Variants in TM6SF2 observed in about 807,000 individuals in gnomAD.
The protein encoded by TM6SF2 is transmembrane 6 superfamily member 2.
In TM6SF2, 29 loss-of-function variants were observed where a neutral mutation model predicts 41.0. The observed-to-expected ratio is 0.71, with a 90% CI of 0.53 to 0.96. The LOEUF (loss-of-function observed/expected upper bound fraction) is 0.96. Ranked by LOEUF, TM6SF2 falls within the 50% of genes least tolerant of loss-of-function variation. The probability of loss-of-function intolerance (pLI) is 0.00; values close to 1 mark genes in which losing one functional copy is unlikely to be tolerated. For missense variants in TM6SF2, 475 were observed against 499.0 expected (o/e 0.95, Z 0.46); for synonymous variants, 200 against 209.1 (o/e 0.96, Z 0.37).
chr19:19,272,728 T>TGTGTGTGA (rs1555786937), intron 1 of TM6SF2, among the ~76,000 whole-genome samples: 3,520 of 149,806 alleles, frequency 0.023, 113 homozygotes, highest in South Asian at 0.11. Flanking sequence ...TGTGTGTGTG[T>TGTGTGTGA]GAGCAGGAGT....
Position 19,266,523 on chromosome 19 carries a change from G to C in TM6SF2, c.891C>G (p.Asp297Glu). 6.2e-7 allele frequency: 1 copy of C among 1,613,992 alleles called. No homozygotes were observed. Among genetic ancestry groups the C allele is most frequent in the Non-Finnish European group, 8.5e-7 (1 of 1,179,958 alleles). Residue 297 changes from aspartate (D) to glutamate (E), a missense_variant, in exon 9 of 10, where the codon GAC (aspartate) becomes GAG (glutamate). Asp to Glu is a conservative substitution (Grantham distance 45, BLOSUM62 2). Transcript: ENST00000389363. ...TGCCTCCAGCAAACACCAAGGCCCA[G>C]TCTGGAAGCCAGGAGCAACCAGGGA... ...LTFPGCSWLP[D>E]WALVFAGGIG...
At chr19:19,272,523 G>T in intron 1 of TM6SF2, among the ~76,000 whole-genome samples, 1 of 152,164 alleles carries the variant, frequency 6.6e-6, no homozygotes, top group East Asian at 1.9e-4. Context: ...AGAAGTACGA[G>T]GGGCTTGCAG....
In TM6SF2 at chr19:19,273,204, C is replaced by A; in HGVS notation, c.12G>T (p.Pro4=). Residue 4 remains proline (P), a synonymous_variant, in exon 1 of 10, where the codon CCG becomes CCT. Transcript: ENST00000389363. ...GCGCCGCGATCTTGCCGGCCAGCGGCGGGATGTCCATAGCGGCGGCTGCTG... is the reference window on the plus strand; with the variant it reads ...GCGCCGCGATCTTGCCGGCCAGCGGAGGGATGTCCATAGCGGCGGCTGCTG... MDI[P]PLAGKIAALS... 2 of 1,444,926 alleles carry A rather than the reference C, an allele frequency of 1.4e-6. No homozygotes were observed. Among genetic ancestry groups the A allele is most frequent in the Non-Finnish European group, 1.8e-6 (2 of 1,101,594 alleles). The allele number at this position is 1,444,926 out of a possible 1,614,324, so 89.5% of individuals were successfully genotyped here.
At position 19,270,232 on chromosome 19, in the gene TM6SF2, G is replaced by A. The variant is rs558322932; in HGVS notation, c.342C>T (p.Tyr114=). The stretch of plus-strand genomic sequence containing the variant: ...GGAGGTAGTGAACAGTGCCATCCCA[G>A]TAGCAGATGAAGACTCCGTGCGCTG... The part of the protein sequence containing the change: ...LRTAHGVFIC[Y]WDGTVHYLLY... The change falls in exon 4 of 10, where the codon TAC becomes TAT. Residue 114 remains tyrosine, a synonymous_variant. Coordinates refer to ENST00000389363, the MANE Select transcript of TM6SF2 (RefSeq NM_001001524.3). 5.0e-6 allele frequency: 8 copies of A among 1,614,206 alleles called. No individual in the cohort carries two copies. In the East Asian group the frequency reaches 1.3e-4, roughly 27 times the overall value.
At chr19:19,269,822 G>A in intron 4 of TM6SF2, 53 bp from the exon 5 acceptor site, 8 of 1,612,454 alleles carry the variant, frequency 5.0e-6, no homozygotes, top group Non-Finnish European at 6.8e-6. Flanking sequence ...TAATCTCAGA[G>A]CCCCAGCCAG....
At chr19:19,267,950 G>T in intron 7 of TM6SF2, 36 bp downstream of exon 7, 1 of 1,424,990 alleles carries the variant, frequency 7.0e-7, no homozygotes, top group Non-Finnish European at 9.8e-7. Context: ...GGAGACTGGT[G>T]GCAGGGGAGG....
At chr19:19,272,692 G>GGTGT (rs55690765) in intron 1 of TM6SF2, among the ~76,000 whole-genome samples, 17,595 of 136,636 alleles carry the variant, frequency 0.13, 1,125 homozygotes, top group Middle Eastern at 0.16. Flanking sequence ...AATGGAGTAG[G>GGTGT]GTGTGTGTGT....
At position 19,264,589 on chromosome 19, in the gene TM6SF2, A is replaced by T; in HGVS notation, c.*75T>A. 1 of 1,290,216 alleles carries T rather than the reference A, an allele frequency of 7.8e-7. No individual in the cohort carries two copies. Among genetic ancestry groups the T allele is most frequent in the Non-Finnish European group, 1.0e-6 (1 of 988,254 alleles). 79.9% of individuals were successfully genotyped at this position (1,290,216 alleles called of 1,614,324 possible). ...GAGATGTCCCTCCTGTCTCTAAAACACCCAACCCCCGCTTCCCCAGGTAGG... is the reference window on the plus strand; with the variant it reads ...GAGATGTCCCTCCTGTCTCTAAAACTCCCAACCCCCGCTTCCCCAGGTAGG... On this transcript the variant is annotated 3_prime_UTR_variant, in exon 10 of 10. Coordinates refer to ENST00000389363, the MANE Select transcript of TM6SF2 (RefSeq NM_001001524.3).
chr19:19,269,831 A>G, intron 4 of TM6SF2, 62 bp from the exon 5 acceptor site: 1 of 1,610,592 alleles, frequency 6.2e-7, no homozygotes, highest in Non-Finnish European at 8.5e-7. Context: ...AGCCCCAGCC[A>G]GGGCCTGGAG....
chr19:19,272,610 T>G (rs895838889), intron 1 of TM6SF2, among the ~76,000 whole-genome samples: 3 of 151,492 alleles, frequency 2.0e-5, no homozygotes, highest in Admixed American at 2.0e-4. Context: ...AGGGAACCAG[T>G]AGGGGGAACT....
chr19:19,273,093 G>A, intron 1 of TM6SF2, 28 bp downstream of exon 1: 1 of 362,530 alleles, frequency 2.8e-6, no homozygotes. Context: ...CTGTCCCCAA[G>A]GCCGCCCTGG....
Position 19,269,734 on chromosome 19 carries a change from C to T in TM6SF2, c.437G>A (p.Gly146Asp), listed in dbSNP as rs763650790. The T allele has an allele frequency of 6.2e-7, 1 of 1,614,174 alleles. No homozygotes were observed. Among genetic ancestry groups the T allele is most frequent in the Admixed American group, 1.7e-5 (1 of 60,018 alleles). The change falls in exon 5 of 10, where the codon GGT (glycine) becomes GAT (aspartate). Residue 146 changes from glycine (G) to aspartate (D), a missense_variant. By Grantham distance (94) the Gly-to-Asp change is moderately conservative. Transcript: ENST00000389363. Reference sequence around the variant, plus strand: ...CACCAGGATGCTCATGGCGAAGGAACCCAGCCAGTAGAGTCCAAAATTCCG... The same window carrying T: ...CACCAGGATGCTCATGGCGAAGGAATCCAGCCAGTAGAGTCCAAAATTCCG... ...RYRNFGLYWL[G>D]SFAMSILVFL...
In TM6SF2 at chr19:19,268,631, A is replaced by C; in HGVS notation, c.608T>G (p.Met203Arg). ...PRALTRCTAN[M>R]VQEEQRKGLL... ...GCCTAAGAGGGGTAAGGCACTCACCATGTTGGCGGTGCAGCGGGTTAGCGC... is the reference window on the plus strand; with the variant it reads ...GCCTAAGAGGGGTAAGGCACTCACCCTGTTGGCGGTGCAGCGGGTTAGCGC... Residue 203 changes from methionine to arginine, a missense_variant and splice_region_variant, in exon 6 of 10, where the codon ATG (methionine) becomes AGG (arginine). Physicochemically the swap from Met to Arg is moderately conservative, Grantham distance 91. Transcript: ENST00000389363. 2 of 1,581,492 alleles carry C rather than the reference A, an allele frequency of 1.3e-6. No individual in the cohort carries two copies. Among genetic ancestry groups the C allele is most frequent in the Non-Finnish European group, 1.7e-6 (2 of 1,169,792 alleles).
chr19:19,269,893 A>T, intron 4 of TM6SF2, 124 bp from the exon 5 acceptor site: 1 of 1,567,596 alleles, frequency 6.4e-7, no homozygotes, highest in Non-Finnish European at 8.6e-7. Context: ...CCCAGGATGG[A>T]AGGGACAACA....
chr19:19,267,376 AAAAAAAAAAG>A lies in TM6SF2; in HGVS notation c.804+235_804+244del, dbSNP rs1202447395. On this transcript the variant is annotated intron_variant, in intron 8 of 9. Coordinates refer to ENST00000389363, the MANE Select transcript of TM6SF2 (RefSeq NM_001001524.3). The stretch of plus-strand genomic sequence containing the variant: ...AGAGCAAAACTCTGTTTAAAAAAAA[AAAAAAAAAAG>A]AAAAAGAAAGAAAGAAAAGAAAGGA... Among the ~76,000 whole-genome samples, 6 of 143,472 alleles carry A rather than the reference AAAAAAAAAAG, an allele frequency of 4.2e-5. No individual in the cohort carries two copies. In the South Asian group the frequency reaches 1.5e-3, roughly 35 times the overall value. The allele number at this position is 143,472 out of a possible 152,430, so 94.1% of individuals were successfully genotyped here.
Position 19,273,180 on chromosome 19 carries a change from C to A in TM6SF2, c.36G>T (p.Ala12=). 6.8e-7 allele frequency: 1 copy of A among 1,467,032 alleles called. No individual in the cohort carries two copies. Among genetic ancestry groups the A allele is most frequent in the Non-Finnish European group, 9.0e-7 (1 of 1,113,908 alleles). The allele number at this position is 1,467,032 out of a possible 1,614,324, so 90.9% of individuals were successfully genotyped here. Residue 12 remains alanine, a synonymous_variant, in exon 1 of 10, where the codon GCG becomes GCT. Coordinates refer to ENST00000389363, the MANE Select transcript of TM6SF2 (RefSeq NM_001001524.3). ...ACACCGGGAGGGCGCTCAGCGACAGCGCCGCGATCTTGCCGGCCAGCGGCG... is the reference window on the plus strand; with the variant it reads ...ACACCGGGAGGGCGCTCAGCGACAGAGCCGCGATCTTGCCGGCCAGCGGCG... ...DIPPLAGKIA[A]LSLSALPVSY... is the part of the protein sequence containing the mutation.
In TM6SF2 at chr19:19,273,186, G is replaced by A; in HGVS notation, c.30C>T (p.Ile10=). 6.8e-7 allele frequency: 1 copy of A among 1,461,600 alleles called. No individual in the cohort carries two copies. The highest frequency in any genetic ancestry group is 9.0e-7 in the Non-Finnish European group (1 of 1,111,090). 90.5% of individuals were successfully genotyped at this position (1,461,600 alleles called of 1,614,324 possible). ...GGAGGGCGCTCAGCGACAGCGCCGC[G>A]ATCTTGCCGGCCAGCGGCGGGATGT... MDIPPLAGK[I]AALSLSALPV... is the part of the protein sequence containing the mutation. The change falls in exon 1 of 10, where the codon ATC becomes ATT. Residue 10 remains isoleucine, a synonymous_variant. Coordinates refer to ENST00000389363, the MANE Select transcript of TM6SF2 (RefSeq NM_001001524.3).
At chr19:19,271,779 C>T (rs1394845003) in intron 1 of TM6SF2, among the ~76,000 whole-genome samples, 1 of 152,182 alleles carries the variant, frequency 6.6e-6, no homozygotes, top group Non-Finnish European at 1.5e-5. Context: ...GATTTGCCCA[C>T]CTCGGCCTCC....
rs1392730067 is a variant in TM6SF2, at chr19:19,264,375, T to C, written c.*289A>G. On this transcript the variant is annotated 3_prime_UTR_variant, in exon 10 of 10. Transcript: ENST00000389363. ...CACTTAGGCAGTGATATTTTGGAAA[T>C]TGAAAGGGTTTTTACTGAAAGGATC... is the stretch of plus-strand genomic sequence containing the variant. 2 of 264,694 alleles carry C rather than the reference T, an allele frequency of 7.6e-6. No individual in the cohort carries two copies. Among genetic ancestry groups the C allele is most frequent in the Admixed American group, 5.4e-5 (1 of 18,534 alleles). The allele number at this position is 264,694 out of a possible 1,614,324, so 16.4% of individuals were successfully genotyped here.
Sources: gnomAD v4.1 joint callset for allele counts (sites outside exome capture counted in the v4.1 genomes callset) on GRCh38, gnomAD v4.1.1 for gene constraint, MANE v1.5 for transcripts, NCBI Gene and HGNC (gene_info 2026-07-23, HGNC 2026-07-21) for gene names.